The following GPR89B variants were observed in gnomAD, a reference collection of about 807,000 sequenced individuals.
GPR89B encodes G protein-coupled receptor 89B.
A neutral mutation model predicts 52.4 loss-of-function variants in GPR89B; 25 were observed. The observed-to-expected ratio is 0.48, with a 90% confidence interval of 0.35 to 0.67. The LOEUF (loss-of-function observed/expected upper bound fraction) is 0.67, where lower values mean the gene tolerates loss of function less well. Ranked by LOEUF, GPR89B falls within the 30% of genes least tolerant of loss-of-function variation. The pLI, the probability that GPR89B is intolerant of heterozygous loss-of-function variation, is 0.01. For missense variants in GPR89B, 146 were observed against 450.2 expected (o/e 0.32, Z 6.11); for synonymous variants, 52 against 151.2 (o/e 0.34, Z 4.81).
chr1:147,997,339 G>A (rs1475365074), downstream of GPR89B, among the ~76,000 whole-genome samples: 4 of 152,150 alleles, frequency 2.6e-5, no homozygotes, highest in African/African-American at 7.2e-5. Context: ...ATTAGCATGC[G>A]AGTCTGAGTG....
chr1:147,931,758 TC>T (rs1653641946), intron 1 of GPR89B, among the ~76,000 whole-genome samples: 1 of 151,490 alleles, frequency 6.6e-6, no homozygotes, highest in African/African-American at 2.4e-5. Context: ...CCAAGTAGTC[TC>T]CAGTTTCTGT....
At chr1:147,973,728 C>T (rs1256634674) in intron 10 of GPR89B, among the ~76,000 whole-genome samples, 2 of 151,864 alleles carry the variant, frequency 1.3e-5, no homozygotes, top group African/African-American at 4.9e-5. Context: ...ACATTTTTGT[C>T]ATGAAACCTT....
chr1:148,000,929 A>G, the GPR89B span, among the ~76,000 whole-genome samples: 1,113 of 127,256 alleles, frequency 8.7e-3, 9 homozygotes, highest in African/African-American at 0.031. Flanking sequence ...AGGGCTTACA[A>G]GTTGTTTAAT....
chr1:148,013,941 C>G, the GPR89B span, among the ~76,000 whole-genome samples: 1 of 151,730 alleles, frequency 6.6e-6, no homozygotes, highest in African/African-American at 2.4e-5. Context: ...ACCCAGGAGC[C>G]TCCGTGCGGA....
intron 5 of GPR89B, among the ~76,000 whole-genome samples, chr1:147,944,775 C>A (rs1194645064): frequency 7.4e-6 from 1 of 134,954 alleles, no homozygotes; most frequent in Admixed American, 7.7e-5. Flanking sequence ...CAAGTCCTTC[C>A]AGAACTATTT....
chr1:147,938,229 G>A (rs587654119), intron 2 of GPR89B, among the ~76,000 whole-genome samples: 26 of 152,064 alleles, frequency 1.7e-4, no homozygotes, highest in African/African-American at 6.3e-4. Flanking sequence ...TCTACATTTG[G>A]GTCATTTCTA....
At chr1:147,971,010 G>A in intron 10 of GPR89B, among the ~76,000 whole-genome samples, 1 of 151,250 alleles carries the variant, frequency 6.6e-6, no homozygotes, top group East Asian at 1.9e-4. Context: ...AGGATCTAGT[G>A]TTACAATAAA....
At chr1:147,963,375 T>TAAAA (rs71077287) in intron 7 of GPR89B, among the ~76,000 whole-genome samples, 4 of 140,534 alleles carry the variant, frequency 2.8e-5, no homozygotes, top group Admixed American at 7.0e-5. Context: ...GACTCCTTCT[T>TAAAA]AAAAAAAAAA....
the GPR89B span, among the ~76,000 whole-genome samples, chr1:148,022,914 A>T: frequency 1.3e-5 from 2 of 151,878 alleles, no homozygotes; most frequent in South Asian, 4.1e-4. Flanking sequence ...AAAATCCATG[A>T]TTATTTTACT....
intron 7 of GPR89B, among the ~76,000 whole-genome samples, chr1:147,959,075 G>T (rs1249477673): frequency 6.6e-6 from 1 of 152,206 alleles, no homozygotes; most frequent in Non-Finnish European, 1.5e-5. Context: ...GGGAGGAGTA[G>T]TGACCAGAAA....
chr1:147,939,940 T>C (rs1654409071), intron 3 of GPR89B, among the ~76,000 whole-genome samples: 1 of 151,454 alleles, frequency 6.6e-6, no homozygotes, highest in African/African-American at 2.4e-5. Context: ...TTTGAGGATA[T>C]GCGGTGAGCT....
intron 7 of GPR89B, among the ~76,000 whole-genome samples, chr1:147,966,008 A>G (rs1436711234): frequency 6.6e-6 from 1 of 151,530 alleles, no homozygotes; most frequent in African/African-American, 2.4e-5. Flanking sequence ...CACCACGCCC[A>G]GCTAATTTTT....
At chr1:147,995,597 C>G (rs1216706024), downstream of GPR89B, 6 of 1,608,756 alleles carry the variant, frequency 3.7e-6, no homozygotes, top group Non-Finnish European at 5.1e-6. Flanking sequence ...CCCACTCACC[C>G]GTTCTTTTGC....
At chr1:147,932,452 C>T (rs1245746046) in intron 1 of GPR89B, among the ~76,000 whole-genome samples, 3 of 152,010 alleles carry the variant, frequency 2.0e-5, no homozygotes, top group Non-Finnish European at 4.4e-5. Flanking sequence ...AGTTTGCCAA[C>T]GCCAGGAGTT....
At chr1:147,950,195 G>T (rs1655516271) in intron 5 of GPR89B, among the ~76,000 whole-genome samples, 1 of 150,502 alleles carries the variant, frequency 6.6e-6, no homozygotes, top group African/African-American at 2.5e-5. Flanking sequence ...TTGCCAGGCG[G>T]AGGGTCTCCT....
At chr1:147,934,325 C>A (rs1653903827) in intron 1 of GPR89B, among the ~76,000 whole-genome samples, 2 of 152,200 alleles carry the variant, frequency 1.3e-5, no homozygotes, top group African/African-American at 4.8e-5. Flanking sequence ...TACAGGCATG[C>A]ACCACCATAG....
the GPR89B span, chr1:148,021,806 G>A: frequency 6.7e-6 from 1 of 148,924 alleles, no homozygotes. Flanking sequence ...AGTGTGGTGG[G>A]GAGGCCATGG....
chr1:148,013,770 A>G, the GPR89B span, among the ~76,000 whole-genome samples: 1 of 151,874 alleles, frequency 6.6e-6, no homozygotes, highest in Non-Finnish European at 1.5e-5. Context: ...TGGGGTTAAG[A>G]GACGTGCATC....
intron 5 of GPR89B, among the ~76,000 whole-genome samples, chr1:147,948,702 A>G (rs1177391353): frequency 6.6e-6 from 1 of 152,164 alleles, no homozygotes; most frequent in African/African-American, 2.4e-5. Context: ...CAATTAGAGA[A>G]GTAAAAGGGA....
Sources: allele counts gnomAD v4.1 joint callset (sites outside exome capture counted in the v4.1 genomes callset), GRCh38; gene constraint gnomAD v4.1.1; transcripts MANE v1.5; gene names NCBI Gene and HGNC (gene_info 2026-07-23, HGNC 2026-07-21).